Variants in ZNF765 observed in about 807,000 individuals in gnomAD.
ZNF765 encodes the protein zinc finger protein 765.
In ZNF765, 37 loss-of-function variants were observed where a neutral mutation model predicts 44.7. That is an observed-to-expected ratio of 0.83 (90% CI 0.64 to 1.09). The LOEUF (loss-of-function observed/expected upper bound fraction) is 1.09, where lower values mean the gene tolerates loss of function less well. Among genes scored for constraint, ZNF765 ranks in the 50% least tolerant of loss-of-function variants. The probability of loss-of-function intolerance (pLI) is 0.00; values close to 1 mark genes in which losing one functional copy is unlikely to be tolerated. For missense variants in ZNF765, 594 were observed against 626.1 expected (o/e 0.95, Z 0.55); for synonymous variants, 201 against 213.7 (o/e 0.94, Z 0.52).
At position 53,408,138 on chromosome 19, in the gene ZNF765, A is replaced by C; in HGVS notation, c.583A>C (p.Asn195His). 6.2e-7 allele frequency: 1 copy of C among 1,614,068 alleles called. No homozygotes were observed. Among genetic ancestry groups the C allele is most frequent in the Non-Finnish European group, 8.5e-7 (1 of 1,179,936 alleles). ...ETHISNDYGN[N>H]FLNSSLFTQK... ...CCATATTTCTAATGACTATGGGAAT[A>C]ATTTCCTGAATTCTTCATTATTCAC... Residue 195 changes from asparagine (N) to histidine (H), a missense_variant, in exon 4 of 4, where the codon AAT becomes CAT. By Grantham distance (68) the Asn-to-His change is moderately conservative (BLOSUM62 1). Coordinates refer to ENST00000396408, the MANE Select transcript of ZNF765 (RefSeq NM_001040185.3).
At chr19:53,404,566 C>G (rs1311288203) in intron 3 of ZNF765, among the ~76,000 whole-genome samples, 1 of 152,108 alleles carries the variant, frequency 6.6e-6, no homozygotes, top group Non-Finnish European at 1.5e-5. Flanking sequence ...GATTTTCCTG[C>G]TTCAGTCTCC....
In ZNF765 at chr19:53,411,032, A is replaced by C; in HGVS notation, c.*1905A>C. ...CCAAATACAATGTGTATAGCAAACC[A>C]TCAAGCATTAATTGACACTAGAGTC... On this transcript the variant is annotated 3_prime_UTR_variant, in exon 4 of 4. Transcript: ENST00000396408. 3.2e-6 allele frequency: 1 copy of C among 314,568 alleles called. No homozygotes were observed. 19.5% of individuals were successfully genotyped at this position (314,568 alleles called of 1,614,324 possible).
At chr19:53,395,404 T>C (rs893190871) in intron 1 of ZNF765, among the ~76,000 whole-genome samples, 17 of 152,240 alleles carry the variant, frequency 1.1e-4, no homozygotes, top group Non-Finnish European at 1.9e-4. Flanking sequence ...GTTTCTGCTA[T>C]AGGGCAATGT....
intron 1 of ZNF765, among the ~76,000 whole-genome samples, chr19:53,395,561 G>C (rs1236903679): frequency 2.0e-5 from 3 of 152,232 alleles, no homozygotes; most frequent in Admixed American, 2.0e-4. Flanking sequence ...ACGCAGCGCG[G>C]CGGCCCCAGC....
chr19:53,406,637 G>A (rs563720535), intron 3 of ZNF765, among the ~76,000 whole-genome samples: 2 of 152,198 alleles, frequency 1.3e-5, no homozygotes, highest in African/African-American at 4.8e-5. Context: ...CAGTGCCACC[G>A]GATGCTGTGG....
rs552711128 is a variant in ZNF765 at position 53,410,743 on chromosome 19, G to A, written c.*1616G>A. 1.1e-3 allele frequency: 460 copies of A among 436,962 alleles called. 9 individuals are homozygous for A. Among genetic ancestry groups the A allele is most frequent in the South Asian group, 7.8e-3 (446 of 57,362 alleles). The allele number at this position is 436,962 out of a possible 1,614,324, so 27.1% of individuals were successfully genotyped here. On this transcript the variant is annotated 3_prime_UTR_variant, in exon 4 of 4. Transcript: ENST00000396408. ...TGCAGTTCATCGGCGAACTCGTACT[G>A]GAGAGAAACCTTACAAATGTCATGA...
chr19:53,397,775 C>T (rs2085685260), intron 1 of ZNF765, among the ~76,000 whole-genome samples, 168 bp from the exon 2 acceptor site: 1 of 151,926 alleles, frequency 6.6e-6, no homozygotes, highest in South Asian at 2.1e-4. Context: ...GTGGGCTTCT[C>T]CGGGAGGGGA....
Position 53,411,292 on chromosome 19 carries a change from ATT to A in ZNF765, c.*2181_*2182del, listed in dbSNP as rs34326774. 1.2e-4 allele frequency: 16 copies of A among 133,162 alleles called. No homozygotes were observed. Among genetic ancestry groups the A allele is most frequent in the South Asian group, 2.4e-4 (1 of 4,166 alleles). 8.2% of individuals were successfully genotyped at this position (133,162 alleles called of 1,614,324 possible). A position where few individuals can be genotyped will look rare whatever the true frequency, so the allele number is the denominator to read the frequency against. On this transcript the variant is annotated 3_prime_UTR_variant, in exon 4 of 4. Transcript: ENST00000396408. The stretch of plus-strand genomic sequence containing the variant: ...GTTTCTTTAACAAAAACTGATAGGG[ATT>A]TTTTTTTTTTTTTTTGAGATGGAGT...
downstream of ZNF765, among the ~76,000 whole-genome samples, chr19:53,412,208 C>G (rs2085839635): frequency 6.6e-6 from 1 of 152,140 alleles, no homozygotes; most frequent in African/African-American, 2.4e-5. Context: ...TCCTTTCTAT[C>G]TATTTTGTTT....
Position 53,408,485 on chromosome 19 carries a change from C to G in ZNF765, c.930C>G (p.Phe310Leu), listed in dbSNP as rs1019019231. Residue 310 changes from phenylalanine (F) to leucine (L), a missense_variant, in exon 4 of 4, where the codon TTC becomes TTG. Coordinates refer to ENST00000396408, the MANE Select transcript of ZNF765 (RefSeq NM_001040185.3). ...KCEECDKAFH[F>L]KSKLQIHRRI... ...AAGAATGTGACAAAGCTTTCCATTTCAAATCAAAGCTTCAAATACATAGGA... is the reference window on the plus strand; with the variant it reads ...AAGAATGTGACAAAGCTTTCCATTTGAAATCAAAGCTTCAAATACATAGGA... The G allele has an allele frequency of 3.7e-6, 6 of 1,613,126 alleles. No individual in the cohort carries two copies. Among genetic ancestry groups the G allele is most frequent in the Non-Finnish European group, 4.2e-6 (5 of 1,179,684 alleles).
At chr19:53,402,503 A>G (rs140361921) in intron 3 of ZNF765, among the ~76,000 whole-genome samples, 1,923 of 151,934 alleles carry the variant, frequency 0.013, 55 homozygotes, top group African/African-American at 0.044. Flanking sequence ...CTCGTGATCC[A>G]CACACCTCGG....
In ZNF765 at chr19:53,409,584, C is replaced by T; in HGVS notation, c.*457C>T. 2.8e-6 allele frequency: 4 copies of T among 1,449,824 alleles called. No individual in the cohort carries two copies. Among genetic ancestry groups the T allele is most frequent in the Non-Finnish European group, 3.9e-6 (4 of 1,036,510 alleles). 89.8% of individuals were successfully genotyped at this position (1,449,824 alleles called of 1,614,324 possible). On this transcript the variant is annotated 3_prime_UTR_variant, in exon 4 of 4. Coordinates refer to ENST00000396408, the MANE Select transcript of ZNF765 (RefSeq NM_001040185.3). ...CCATTTCAAATCAAACCTTGAAAGA[C>T]AAAGGAGAATTCATACTGGAGAGAA...
intron 3 of ZNF765, among the ~76,000 whole-genome samples, chr19:53,422,506 T>C (rs2085913239): frequency 6.6e-6 from 1 of 152,194 alleles, no homozygotes; most frequent in South Asian, 2.1e-4. Context: ...GAATTCTTCA[T>C]ACTAGAAAGT....
intron 2 of ZNF765, chr19:53,401,857 C>T (rs998910750): frequency 6.9e-5 from 93 of 1,347,302 alleles, no homozygotes; most frequent in Admixed American, 3.7e-5. Flanking sequence ...GGCTGGGCAA[C>T]AGAGTGAGAC....
At chr19:53,417,595 C>T (rs1814776812) in intron 3 of ZNF765, among the ~76,000 whole-genome samples, 1 of 152,182 alleles carries the variant, frequency 6.6e-6, no homozygotes, top group Admixed American at 6.5e-5. Context: ...CATACACGTG[C>T]ATGCGTCTTT....
At chr19:53,414,433 C>A (rs1202363698), downstream of ZNF765, among the ~76,000 whole-genome samples, 10 of 68,888 alleles carry the variant, frequency 1.5e-4, no homozygotes, top group Non-Finnish European at 2.7e-4. Flanking sequence ...TGACCCTCCC[C>A]ACCACACACA....
chr19:53,396,717 T>G (rs1244602815), intron 1 of ZNF765, among the ~76,000 whole-genome samples: 1 of 152,222 alleles, frequency 6.6e-6, no homozygotes, highest in East Asian at 1.9e-4. Flanking sequence ...CTTGTTCTTC[T>G]TTTCTTTTTA....
rs770359113 is a variant in ZNF765 at position 53,408,226 on chromosome 19, A to G, written c.671A>G (p.Tyr224Cys). The G allele has an allele frequency of 1.2e-6, 2 of 1,614,198 alleles. No individual in the cohort carries two copies. Among genetic ancestry groups the G allele is most frequent in the Admixed American group, 1.7e-5 (1 of 60,032 alleles). The change falls in exon 4 of 4, where the codon TAT (tyrosine) becomes TGT (cysteine). Residue 224 changes from tyrosine to cysteine, a missense_variant. Coordinates refer to ENST00000396408, the MANE Select transcript of ZNF765 (RefSeq NM_001040185.3). ...CAATGCAATGACAGTGGCAAAGCCT[A>G]TAATTGTAGCTCACTCTTAAGGAAA... The part of the protein sequence containing the change: ...SFQCNDSGKA[Y>C]NCSSLLRKHQ...
At position 53,398,029 on chromosome 19, in the gene ZNF765, A is replaced by G; in HGVS notation, c.14A>G (p.Gln5Arg). The G allele has an allele frequency of 1.9e-6, 3 of 1,613,826 alleles. No individual in the cohort carries two copies. The highest frequency in any genetic ancestry group is 1.3e-5 in the African/African-American group (1 of 74,988). Residue 5 changes from glutamine to arginine, a missense_variant and splice_region_variant, in exon 2 of 4, where the codon CAG becomes CGG. By Grantham distance (43) the Gln-to-Arg change is conservative. This residue lies in a region of ZNF765 where 27 missense variants were observed against 53.6 expected (regional missense o/e 0.50). Coordinates refer to ENST00000396408, the MANE Select transcript of ZNF765 (RefSeq NM_001040185.3). MALPQGLLTFRDVAI... is the reference protein window; with the variant it reads MALPRGLLTFRDVAI... ...AAGGAGTCAGGGATGGCTCTTCCTC[A>G]GGTGAGATGATATTCTTGGTGGATT...
Sources: gnomAD v4.1 joint callset for allele counts (sites outside exome capture counted in the v4.1 genomes callset) on GRCh38, gnomAD v4.1.1 for gene constraint, gnomAD v4.1.1 regional missense constraint, MANE v1.5 for transcripts, NCBI Gene and HGNC (gene_info 2026-07-23, HGNC 2026-07-21) for gene names.